The following CDC73 variants were observed in gnomAD, a reference collection of about 807,000 sequenced individuals.
CDC73 encodes parafibromin.
In CDC73, 21 loss-of-function variants were observed where a neutral mutation model predicts 83.7. That is an observed-to-expected ratio of 0.25 (90% CI 0.18 to 0.36). The LOEUF (loss-of-function observed/expected upper bound fraction) is 0.36. CDC73 is among the 10% of genes least tolerant of loss of function. The pLI is 1.00. For synonymous variants in CDC73, 224 were observed against 212.9 expected, an observed-to-expected ratio of 1.05 and a Z score of -0.45; for missense variants, 342 against 653.3, an observed-to-expected ratio of 0.52 and a Z score of 5.19.
At chr1:193,140,012 G>C (rs146508959) in intron 6 of CDC73, among the ~76,000 whole-genome samples, 20 of 152,306 alleles carry the variant, frequency 1.3e-4, no homozygotes, top group African/African-American at 4.8e-4. Flanking sequence ...GGGATCTTCT[G>C]TGCAGTTCTC....
At chr1:193,199,652 A>G (rs540223778) in intron 10 of CDC73, among the ~76,000 whole-genome samples, 1 of 150,316 alleles carries the variant, frequency 6.7e-6, no homozygotes, top group African/African-American at 2.5e-5. Flanking sequence ...CAGAGGTTGC[A>G]GTGAGCCGAG....
At chr1:193,204,287 A>ATTTT (rs1181776959) in intron 11 of CDC73, among the ~76,000 whole-genome samples, 2 of 133,960 alleles carry the variant, frequency 1.5e-5, no homozygotes, top group African/African-American at 5.8e-5. Flanking sequence ...GTATATATAT[A>ATTTT]TTTTTTTTTT....
At chr1:193,209,583 C>G (rs1677243487) in intron 11 of CDC73, among the ~76,000 whole-genome samples, 1 of 152,128 alleles carries the variant, frequency 6.6e-6, no homozygotes, top group African/African-American at 2.4e-5. Context: ...CCGTTAAGAT[C>G]AAGCTTCTCA....
chr1:193,189,465 A>C (rs2103167037), intron 10 of CDC73, among the ~76,000 whole-genome samples: 1 of 152,356 alleles, frequency 6.6e-6, no homozygotes, highest in African/African-American at 2.4e-5. Context: ...TTCTATGGTT[A>C]AACTAATTCA....
At chr1:193,157,080 CAGAAGTTTATGT>C (rs1485597303) in intron 10 of CDC73, among the ~76,000 whole-genome samples, 2 of 152,058 alleles carry the variant, frequency 1.3e-5, no homozygotes, top group African/African-American at 4.8e-5. Flanking sequence ...TGAATAAGAT[CAGAAGTTTATGT>C]AGGATTTAAC....
At chr1:193,195,021 T>G (rs1455002443) in intron 10 of CDC73, among the ~76,000 whole-genome samples, 2 of 152,114 alleles carry the variant, frequency 1.3e-5, no homozygotes, top group Non-Finnish European at 1.5e-5. Flanking sequence ...AGCACACATA[T>G]GTATATATGG....
rs137928118 is a variant in CDC73, at chr1:193,170,735, A to G, written c.972+18291A>G. On this transcript the variant is annotated intron_variant, in intron 10 of 16. Transcript: ENST00000367435. ...CCCATATTTTGTTGGTTTTCTTTTT[A>G]CTCTGTTGATAGTTTCTTTTGCTGT... 3.1e-3 allele frequency among the ~76,000 whole-genome samples: 464 copies of G among 151,774 alleles called. 2 individuals are homozygous for G. The highest frequency in any genetic ancestry group is 9.9e-3 in the African/African-American group (410 of 41,332).
chr1:193,220,551 G>T (rs1010640174), intron 13 of CDC73, among the ~76,000 whole-genome samples: 1 of 152,094 alleles, frequency 6.6e-6, no homozygotes, highest in Non-Finnish European at 1.5e-5. Context: ...TGGATTTCAG[G>T]TTTCACTAAA....
chr1:193,215,102 A>C (rs1461914465), intron 13 of CDC73, among the ~76,000 whole-genome samples: 1 of 152,198 alleles, frequency 6.6e-6, no homozygotes, highest in Non-Finnish European at 1.5e-5. Context: ...TACAGTGAAA[A>C]ATATACTGTC....
At chr1:193,232,378 A>T (rs1057298611) in intron 13 of CDC73, among the ~76,000 whole-genome samples, 5 of 152,166 alleles carry the variant, frequency 3.3e-5, no homozygotes, top group Non-Finnish European at 5.9e-5. Context: ...CTCTAATAGA[A>T]TTTGAGAAAT....
Position 193,251,428 on chromosome 1 carries a change from A to G in CDC73, c.*716A>G, listed in dbSNP as rs116580721. 1.4e-3 allele frequency: 316 copies of G among 232,128 alleles called. 2 individuals carry two copies. The highest frequency in any genetic ancestry group is 6.5e-3 in the African/African-American group (296 of 45,410). 14.4% of individuals were successfully genotyped at this position (232,128 alleles called of 1,614,324 possible). The stretch of plus-strand genomic sequence containing the variant: ...TCTCAAAACACAGATTAAAACCACA[A>G]TAGGCTGTAGTATTTTTTATTTTGG... On this transcript the variant is annotated 3_prime_UTR_variant, in exon 17 of 17. Coordinates refer to ENST00000367435, the MANE Select transcript of CDC73 (RefSeq NM_024529.5).
chr1:193,143,328 T>G (rs1036694084), intron 7 of CDC73, among the ~76,000 whole-genome samples: 4 of 152,188 alleles, frequency 2.6e-5, no homozygotes, highest in African/African-American at 9.6e-5. Flanking sequence ...TGGCTAATAC[T>G]TGAGAAATAT....
intron 2 of CDC73, chr1:193,127,819 A>ATTTTTTTTTTTTTTTTT: frequency 8.5e-6 from 1 of 117,840 alleles, no homozygotes; most frequent in Non-Finnish European, 1.7e-5. Flanking sequence ...CAGACCACTC[A>ATTTTTTTTTTTTTTTTT]TTTTTTTTTT....
At position 193,122,222 on chromosome 1, in the gene CDC73, C is replaced by G; in HGVS notation, c.22C>G (p.Leu8Val). ...GAAGATGGCGGACGTGCTTAGCGTC[C>G]TGCGACAGTACAACATCCAGAAGAA... is the stretch of plus-strand genomic sequence containing the variant. MADVLSV[L>V]RQYNIQKKEI... is the part of the protein sequence containing the mutation. Residue 8 changes from leucine to valine, a missense_variant, in exon 1 of 17, where the codon CTG becomes GTG. Around this residue, in one of 3 missense-constraint regions of CDC73, gnomAD observed 99 missense variants for 174.5 expected, o/e 0.57. Coordinates refer to ENST00000367435, the MANE Select transcript of CDC73 (RefSeq NM_024529.5). 1 of 1,614,208 alleles carries G rather than the reference C, an allele frequency of 6.2e-7. No individual in the cohort carries two copies. The highest frequency in any genetic ancestry group is 8.5e-7 in the Non-Finnish European group (1 of 1,180,032).
In CDC73 at chr1:193,200,758, CGT is replaced by C. The variant is rs112571232; in HGVS notation, c.973-3021_973-3020del. Among the ~76,000 whole-genome samples, 10 of 150,544 alleles carry C rather than the reference CGT, an allele frequency of 6.6e-5. 1 individual carries two copies. Among genetic ancestry groups the C allele is most frequent in the Middle Eastern group, 3.4e-3 (1 of 294 alleles). ...ATTTTTTCTGTTTCTTAATACATTC[CGT>C]GTGTGTGTGTGTGTGCGCGCGTGCG... On this transcript the variant is annotated intron_variant, in intron 10 of 16. Transcript: ENST00000367435.
chr1:193,217,858 C>T (rs1424855372), intron 13 of CDC73, among the ~76,000 whole-genome samples: 2 of 152,102 alleles, frequency 1.3e-5, no homozygotes, highest in Admixed American at 1.3e-4. Flanking sequence ...TTTAAAGGGA[C>T]CATGCTCTTG....
At chr1:193,188,075 A>G (rs939073110) in intron 10 of CDC73, among the ~76,000 whole-genome samples, 10 of 152,194 alleles carry the variant, frequency 6.6e-5, no homozygotes, top group African/African-American at 7.2e-5. Flanking sequence ...GTAGATCAGT[A>G]TTTATTTATC....
At chr1:193,159,323 C>A (rs1323648591) in intron 10 of CDC73, among the ~76,000 whole-genome samples, 2 of 152,106 alleles carry the variant, frequency 1.3e-5, no homozygotes, top group African/African-American at 2.4e-5. Context: ...CCAGTTACAC[C>A]TTGTTTAGCA....
intron 10 of CDC73, among the ~76,000 whole-genome samples, chr1:193,177,731 GCTGTTAC>G (rs1242701199): frequency 2.0e-5 from 3 of 152,184 alleles, no homozygotes; most frequent in African/African-American, 7.2e-5. Flanking sequence ...AGTTTCTACT[GCTGTTAC>G]TGGTATTATT....
Sources: gnomAD v4.1 joint callset for allele counts (sites outside exome capture counted in the v4.1 genomes callset) on GRCh38, gnomAD v4.1.1 for gene constraint, gnomAD v4.1.1 regional missense constraint, MANE v1.5 for transcripts, NCBI Gene and HGNC (gene_info 2026-07-23, HGNC 2026-07-21) for gene names.